The following ARHGEF12 variants were observed in gnomAD, a reference collection of about 807,000 sequenced individuals.
ARHGEF12 encodes the protein KMT2A/ARHGEF12 fusion protein.
In ARHGEF12, 66 loss-of-function variants were observed where a neutral mutation model predicts 211.2. The ratio of observed to expected loss-of-function variants is 0.31; its 90% CI spans 0.26 to 0.38. ARHGEF12 has a LOEUF of 0.38. Ranked by LOEUF, ARHGEF12 falls within the 10% of genes least tolerant of loss-of-function variation. The pLI is 1.00. For synonymous variants in ARHGEF12, 592 were observed against 638.4 expected (o/e 0.93, Z 1.09); for missense variants, 1,429 against 1,869.5 (o/e 0.76, Z 4.34).
chr11:120,403,417 G>A (rs1271265146), intron 1 of ARHGEF12, among the ~76,000 whole-genome samples: 3 of 151,926 alleles, frequency 2.0e-5, no homozygotes, highest in Non-Finnish European at 4.4e-5. Context: ...TGAGGCAGGA[G>A]AAGTGTTTGA....
At chr11:120,353,203 G>T (rs554727284) in intron 1 of ARHGEF12, among the ~76,000 whole-genome samples, 2 of 152,300 alleles carry the variant, frequency 1.3e-5, no homozygotes, top group East Asian at 3.9e-4. Context: ...TCAGCATACA[G>T]GGTCATCAAT....
rs1408920405 is a variant in ARHGEF12, at chr11:120,336,431, C to A, written c.-813C>A. ...GGCCTCCAGAACCCGGCGAGCCGGCCCTGCGCCGGGAGACGCCGCCGCCTC... is the reference window on the plus strand; with the variant it reads ...GGCCTCCAGAACCCGGCGAGCCGGCACTGCGCCGGGAGACGCCGCCGCCTC... On this transcript the variant is annotated 5_prime_UTR_variant, in exon 1 of 41. Transcript: ENST00000397843. 1.3e-5 allele frequency among the ~76,000 whole-genome samples: 2 copies of A among 151,436 alleles called. No homozygotes were observed. The highest frequency in any genetic ancestry group is 2.4e-5 in the African/African-American group (1 of 41,326).
rs999484623 is a variant in ARHGEF12, at chr11:120,474,575, A to G, written c.3049A>G (p.Lys1017Glu). 1.9e-6 allele frequency: 3 copies of G among 1,611,560 alleles called. No individual in the cohort carries two copies. Among genetic ancestry groups the G allele is most frequent in the Admixed American group, 3.4e-5 (2 of 59,284 alleles). Residue 1017 changes from lysine (K) to glutamate (E), a missense_variant, in exon 32 of 41, where the codon AAA becomes GAA. Transcript: ENST00000397843. Reference sequence around the variant, plus strand: ...ATTTTGCCAGAATTTGGATTTAACAAAAAGGAAGATGATTCATGAAGGGCC... The same window carrying G: ...ATTTTGCCAGAATTTGGATTTAACAGAAAGGAAGATGATTCATGAAGGGCC... ...VEELRNLDLT[K>E]RKMIHEGPLV...
intron 30 of ARHGEF12, 50 bp from the exon 31 acceptor site, chr11:120,473,000 T>C (rs779559977): frequency 1.3e-6 from 2 of 1,539,754 alleles, no homozygotes; most frequent in South Asian, 1.1e-5. Context: ...AATAGAGAGG[T>C]CATTAATGAC....
At chr11:120,416,467 G>T (rs560165776) in intron 4 of ARHGEF12, among the ~76,000 whole-genome samples, 1 of 152,164 alleles carries the variant, frequency 6.6e-6, no homozygotes, top group South Asian at 2.1e-4. Flanking sequence ...CCTAACTTCA[G>T]TATGCATATT....
intron 7 of ARHGEF12, among the ~76,000 whole-genome samples, chr11:120,426,517 A>T (rs1935183178): frequency 6.6e-6 from 1 of 152,244 alleles, no homozygotes; most frequent in South Asian, 2.1e-4. Context: ...ATATCAAATC[A>T]GAGCAGTTTA....
chr11:120,421,864 G>C lies in ARHGEF12; in HGVS notation c.348+12G>C, dbSNP rs757545938. The C allele has an allele frequency of 2.5e-6, 4 of 1,601,858 alleles. No individual in the cohort carries two copies. Among genetic ancestry groups the C allele is most frequent in the Non-Finnish European group, 3.4e-6 (4 of 1,172,118 alleles). On this transcript the variant is annotated intron_variant, in intron 6 of 40. Transcript: ENST00000397843. ...ATCGAATCATCAAGGTAAGGAATAGGCTATTATAGAATTTACGGTAGGATT... is the reference window on the plus strand; with the variant it reads ...ATCGAATCATCAAGGTAAGGAATAGCCTATTATAGAATTTACGGTAGGATT...
chr11:120,363,753 G>A (rs1409796622), intron 1 of ARHGEF12, among the ~76,000 whole-genome samples: 1 of 152,152 alleles, frequency 6.6e-6, no homozygotes, highest in Admixed American at 6.5e-5. Context: ...TGGACTTCAT[G>A]TTGATCAAGT....
intron 1 of ARHGEF12, among the ~76,000 whole-genome samples, chr11:120,401,802 A>C (rs1944554630): frequency 6.6e-6 from 1 of 152,242 alleles, no homozygotes; most frequent in South Asian, 2.1e-4. Context: ...TTGGTAAATT[A>C]AATCTGTGGT....
At chr11:120,476,056 G>A (rs1212687170) in intron 33 of ARHGEF12, 1 of 152,430 alleles carries the variant, frequency 6.6e-6, no homozygotes, top group Non-Finnish European at 1.5e-5. Flanking sequence ...CATTTAATCT[G>A]GTAATTTGGA....
chr11:120,425,754 A>C (rs142420320), intron 7 of ARHGEF12, among the ~76,000 whole-genome samples: 4 of 117,292 alleles, frequency 3.4e-5, no homozygotes, highest in Admixed American at 8.0e-5. Context: ...TTGTTATTGT[A>C]TCTCTTAAAA....
At chr11:120,340,146 A>G (rs576042627) in intron 1 of ARHGEF12, among the ~76,000 whole-genome samples, 4 of 152,330 alleles carry the variant, frequency 2.6e-5, no homozygotes, top group Admixed American at 2.6e-4. Flanking sequence ...TGATTGCTGC[A>G]TTCAGTCTTA....
chr11:120,385,658 A>G (rs756297315), intron 1 of ARHGEF12, among the ~76,000 whole-genome samples: 53 of 152,328 alleles, frequency 3.5e-4, no homozygotes, highest in Admixed American at 4.6e-4. Flanking sequence ...GATTTTTATC[A>G]TGTTTTAAAA....
At chr11:120,388,555 C>T (rs1944112098) in intron 1 of ARHGEF12, among the ~76,000 whole-genome samples, 2 of 152,134 alleles carry the variant, frequency 1.3e-5, no homozygotes, top group African/African-American at 4.8e-5. Context: ...ACTGTTTTTC[C>T]AGGTGACTGT....
intron 5 of ARHGEF12, 130 bp downstream of exon 5, chr11:120,420,981 C>T: frequency 1.3e-6 from 1 of 747,566 alleles, no homozygotes; most frequent in South Asian, 2.1e-5. Context: ...GTGCTAGATT[C>T]GTCTATCATG....
chr11:120,426,025 A>G (rs1342508279), intron 7 of ARHGEF12, among the ~76,000 whole-genome samples: 2 of 152,212 alleles, frequency 1.3e-5, no homozygotes, highest in African/African-American at 4.8e-5. Flanking sequence ...TTAAGCAACT[A>G]TGAAATTTTT....
intron 35 of ARHGEF12, 56 bp from the exon 36 acceptor site, chr11:120,477,391 G>A (rs1947071690): frequency 6.4e-7 from 1 of 1,557,998 alleles, no homozygotes; most frequent in Non-Finnish European, 8.8e-7. Context: ...TTGTTGCGAT[G>A]ATGTTTAGAT....
chr11:120,339,278 T>C (rs929117880), intron 1 of ARHGEF12, among the ~76,000 whole-genome samples: 1 of 152,156 alleles, frequency 6.6e-6, no homozygotes, highest in Non-Finnish European at 1.5e-5. Flanking sequence ...ATATATTTTG[T>C]AAATATAAAG....
intron 27 of ARHGEF12, chr11:120,464,765 G>C (rs965147087): frequency 6.5e-6 from 1 of 154,672 alleles, no homozygotes; most frequent in Non-Finnish European, 1.4e-5. Context: ...CCAGCACTTT[G>C]GGGACACCAA....
Sources: gnomAD v4.1 joint callset for allele counts (sites outside exome capture counted in the v4.1 genomes callset) on GRCh38, gnomAD v4.1.1 for gene constraint, MANE v1.5 for transcripts, NCBI Gene and HGNC (gene_info 2026-07-23, HGNC 2026-07-21) for gene names.